The following IQCM variants were observed in gnomAD, a reference collection of about 807,000 sequenced individuals.
IQCM encodes IQ domain-containing protein M.
A neutral mutation model predicts 57.6 loss-of-function variants in IQCM; 45 were observed. The observed-to-expected ratio is 0.78, with a 90% CI of 0.62 to 1.00. IQCM has a LOEUF of 1.00. Ranked by LOEUF, IQCM falls within the 50% of genes least tolerant of loss-of-function variation. The pLI, the probability that IQCM is intolerant of heterozygous loss-of-function variation, is 0.00. For missense variants in IQCM, 468 were observed against 511.6 expected, an observed-to-expected ratio of 0.91 and a Z score of 0.82; for synonymous variants, 148 against 158.9, an observed-to-expected ratio of 0.93 and a Z score of 0.51.
intron 6 of IQCM, among the ~76,000 whole-genome samples, chr4:149,684,070 A>G (rs1461933803): frequency 6.6e-6 from 1 of 151,388 alleles, no homozygotes; most frequent in Non-Finnish European, 1.5e-5. Context: ...ACTAAAAATT[A>G]GCACTAGTAA....
At chr4:149,518,930 CAA>C (rs1745289017) in intron 12 of IQCM, among the ~76,000 whole-genome samples, 2 of 152,236 alleles carry the variant, frequency 1.3e-5, no homozygotes, top group South Asian at 2.1e-4. Context: ...AAAAAGGAAA[CAA>C]AGAGAGAATA....
intron 7 of IQCM, among the ~76,000 whole-genome samples, chr4:149,657,192 A>G (rs1415436208): frequency 1.3e-5 from 2 of 152,106 alleles, no homozygotes; most frequent in Non-Finnish European, 2.9e-5. Context: ...AATTTCTAGT[A>G]ACCACTGTTC....
intron 12 of IQCM, among the ~76,000 whole-genome samples, chr4:149,506,785 C>T (rs969351282): frequency 1.3e-5 from 2 of 152,172 alleles, no homozygotes; most frequent in African/African-American, 4.8e-5. Context: ...TTCCCAATAA[C>T]ATCAGCCATT....
At chr4:149,371,143 G>T (rs1730341124) in intron 13 of IQCM, among the ~76,000 whole-genome samples, 1 of 152,096 alleles carries the variant, frequency 6.6e-6, no homozygotes, top group Non-Finnish European at 1.5e-5. Flanking sequence ...TCTATGGAAG[G>T]GCTGGGAGCA....
At chr4:149,469,414 A>C (rs1739251468) in intron 12 of IQCM, among the ~76,000 whole-genome samples, 1 of 152,210 alleles carries the variant, frequency 6.6e-6, no homozygotes, top group Non-Finnish European at 1.5e-5. Context: ...CAAGAAGAGA[A>C]GTTTAGAGAA....
At chr4:149,640,213 T>A (rs990897851) in intron 7 of IQCM, among the ~76,000 whole-genome samples, 11 of 152,200 alleles carry the variant, frequency 7.2e-5, no homozygotes, top group Non-Finnish European at 1.5e-4. Flanking sequence ...TATTTTGGTA[T>A]AGGCATGTAA....
intron 13 of IQCM, among the ~76,000 whole-genome samples, chr4:149,380,137 C>G (rs1341653344): frequency 6.6e-6 from 1 of 152,038 alleles, no homozygotes; most frequent in African/African-American, 2.4e-5. Context: ...TGTAAATTGC[C>G]CAGTCTCAGC....
intron 8 of IQCM, among the ~76,000 whole-genome samples, chr4:149,607,844 G>T (rs1754928764): frequency 6.6e-6 from 1 of 151,768 alleles, no homozygotes; most frequent in Non-Finnish European, 1.5e-5. Flanking sequence ...TTACACAAAG[G>T]AAGATGGATG....
intron 13 of IQCM, among the ~76,000 whole-genome samples, chr4:149,375,586 A>G (rs1266198041): frequency 6.6e-6 from 1 of 152,204 alleles, no homozygotes; most frequent in Admixed American, 6.5e-5. Flanking sequence ...TAATCAGGTT[A>G]ATACATTTCT....
chr4:149,377,415 G>C (rs944779352), intron 13 of IQCM, among the ~76,000 whole-genome samples: 7 of 152,094 alleles, frequency 4.6e-5, no homozygotes, highest in Non-Finnish European at 1.0e-4. Flanking sequence ...AGGATTTCCA[G>C]GTGAGTCAAC....
intron 11 of IQCM, among the ~76,000 whole-genome samples, chr4:149,549,441 C>T (rs1187509616): frequency 1.3e-5 from 2 of 151,436 alleles, no homozygotes; most frequent in Non-Finnish European, 3.0e-5. Flanking sequence ...TGGCGTGAAC[C>T]CGGGAGGCGG....
intron 13 of IQCM, among the ~76,000 whole-genome samples, chr4:149,372,682 C>T (rs1283556348): frequency 6.6e-6 from 1 of 152,052 alleles, no homozygotes; most frequent in Non-Finnish European, 1.5e-5. Flanking sequence ...CTTAAGTTTT[C>T]CAGTTATGGC....
intron 10 of IQCM, among the ~76,000 whole-genome samples, chr4:149,563,417 T>G (rs1346081616): frequency 6.6e-6 from 1 of 152,110 alleles, no homozygotes; most frequent in African/African-American, 2.4e-5. Flanking sequence ...CACATTTTCT[T>G]AAAGTATGTA....
At chr4:149,388,618 T>C (rs1731615489) in intron 13 of IQCM, among the ~76,000 whole-genome samples, 1 of 141,454 alleles carries the variant, frequency 7.1e-6, no homozygotes, top group South Asian at 2.1e-4. Context: ...AGGCAAAGAA[T>C]ATATATATAC....
At chr4:149,392,602 T>C (rs1256201038) in intron 13 of IQCM, among the ~76,000 whole-genome samples, 1 of 151,982 alleles carries the variant, frequency 6.6e-6, no homozygotes, top group Non-Finnish European at 1.5e-5. Context: ...TTAAAATTTA[T>C]ACTAACTCGA....
intron 2 of IQCM, among the ~76,000 whole-genome samples, chr4:149,774,581 C>T (rs1770897382): frequency 6.6e-6 from 1 of 151,950 alleles, no homozygotes; most frequent in Admixed American, 6.6e-5. Context: ...CAAACCAATC[C>T]CCTGAGCCCT....
chr4:149,515,991 C>A (rs2149818345), intron 12 of IQCM, among the ~76,000 whole-genome samples: 1 of 152,328 alleles, frequency 6.6e-6, no homozygotes. Flanking sequence ...GCCTCTTTCC[C>A]TAGCCACCTG....
At chr4:149,707,220 T>C (rs1764225198) in intron 5 of IQCM, among the ~76,000 whole-genome samples, 1 of 152,078 alleles carries the variant, frequency 6.6e-6, no homozygotes, top group African/African-American at 2.4e-5. Flanking sequence ...AAGAATGCTA[T>C]GCTGCAGTGC....
intron 13 of IQCM, among the ~76,000 whole-genome samples, chr4:149,363,749 T>C (rs1292589744): frequency 6.6e-6 from 1 of 152,154 alleles, no homozygotes; most frequent in Non-Finnish European, 1.5e-5. Context: ...TCAGGTCCTG[T>C]TTTAATAATC....
Sources: gnomAD v4.1 joint callset for allele counts (sites outside exome capture counted in the v4.1 genomes callset) on GRCh38, gnomAD v4.1.1 for gene constraint, MANE v1.5 for transcripts, NCBI Gene and HGNC (gene_info 2026-07-23, HGNC 2026-07-21) for gene names.